The following GOLGA8B variants were observed in gnomAD, a reference collection of about 807,000 sequenced individuals.
GOLGA8B encodes the protein golgin A8 family member B.
In GOLGA8B, 1 loss-of-function variant was observed where a neutral mutation model predicts 15.6. The ratio of observed to expected loss-of-function variants is 0.06; its 90% CI spans 0.02 to 0.30. The LOEUF (loss-of-function observed/expected upper bound fraction) is 0.30. Among genes scored for constraint, GOLGA8B ranks in the 10% least tolerant of loss-of-function variants. The pLI is 1.00. For synonymous variants in GOLGA8B, 9 were observed against 80.3 expected (o/e 0.11, Z 4.75); for missense variants, 17 against 201.3 (o/e 0.08, Z 5.54).
At chr15:34,580,791 G>A (rs1418429338) in intron 1 of GOLGA8B, among the ~76,000 whole-genome samples, 1 of 152,168 alleles carries the variant, frequency 6.6e-6, no homozygotes, top group Non-Finnish European at 1.5e-5. Context: ...CCCCTGCCAG[G>A]CACACAGGCT....
chr15:34,574,837 G>T (rs1438623961), intron 1 of GOLGA8B: 1 of 152,298 alleles, frequency 6.6e-6, no homozygotes, highest in African/African-American at 2.4e-5. Context: ...ATAAAACAGG[G>T]ACCTCTGACG....
At chr15:34,574,384 G>A (rs2140353838) in intron 1 of GOLGA8B, among the ~76,000 whole-genome samples, 1 of 151,268 alleles carries the variant, frequency 6.6e-6, no homozygotes, top group East Asian at 1.9e-4. Context: ...ACTCACTGCA[G>A]CCTCAACCTC....
At chr15:34,559,316 A>G (rs1888563633) in intron 1 of GOLGA8B, among the ~76,000 whole-genome samples, 1 of 147,286 alleles carries the variant, frequency 6.8e-6, no homozygotes, top group African/African-American at 2.5e-5. Flanking sequence ...AAGATGGAAA[A>G]GTTCTGGAGA....
intron 1 of GOLGA8B, among the ~76,000 whole-genome samples, chr15:34,574,079 C>T (rs565631176): frequency 1.6e-4 from 24 of 152,218 alleles, no homozygotes; most frequent in Non-Finnish European, 3.4e-4. Flanking sequence ...GAAAAGGCCT[C>T]TCTTCCTGGA....
At chr15:34,580,482 C>G (rs202054566) in intron 1 of GOLGA8B, among the ~76,000 whole-genome samples, 1 of 43,536 alleles carries the variant, frequency 2.3e-5, no homozygotes, top group African/African-American at 6.5e-5. Flanking sequence ...CACCAGTACG[C>G]AGGGTTCCAG....
At chr15:34,577,961 G>T (rs73381960) in intron 1 of GOLGA8B, among the ~76,000 whole-genome samples, 1 of 152,086 alleles carries the variant, frequency 6.6e-6, no homozygotes, top group Admixed American at 6.5e-5. Context: ...AATGTCACTA[G>T]GCAATAGGAA....
chr15:34,579,157 T>C (rs1415299802), intron 1 of GOLGA8B, among the ~76,000 whole-genome samples: 3 of 152,072 alleles, frequency 2.0e-5, no homozygotes, highest in Admixed American at 6.6e-5. Context: ...CAGGGTTTAG[T>C]GGCAGGGCCA....
intron 1 of GOLGA8B, among the ~76,000 whole-genome samples, chr15:34,569,102 G>T (rs1325419560): frequency 6.9e-6 from 1 of 144,800 alleles, no homozygotes; most frequent in Non-Finnish European, 1.5e-5. Context: ...GGAAGAGCGG[G>T]TTCTCTTGCT....
chr15:34,567,729 A>G (rs115551918), intron 1 of GOLGA8B, among the ~76,000 whole-genome samples: 11,947 of 150,886 alleles, frequency 0.079, 1 homozygote, highest in South Asian at 0.19. Context: ...TATTAAACCC[A>G]CCCACACCAA....
intron 1 of GOLGA8B, among the ~76,000 whole-genome samples, chr15:34,567,680 T>C (rs1359402824): frequency 6.6e-6 from 1 of 151,826 alleles, no homozygotes; most frequent in Admixed American, 6.5e-5. Flanking sequence ...CAAAGAGCCA[T>C]TCCTCAGTGA....
intron 1 of GOLGA8B, among the ~76,000 whole-genome samples, chr15:34,577,549 CACACACACACAG>C (rs1889117043): frequency 7.2e-6 from 1 of 139,234 alleles, no homozygotes; most frequent in African/African-American, 2.6e-5. Flanking sequence ...CACACACACA[CACACACACACAG>C]ATGCGTCACT....
intron 7 of GOLGA8B, among the ~76,000 whole-genome samples, chr15:34,543,147 C>T (rs1888239140): frequency 1.9e-5 from 2 of 104,094 alleles, no homozygotes; most frequent in South Asian, 3.5e-4. Flanking sequence ...TCCATCCACT[C>T]GGTTTCTTAT....
At chr15:34,576,268 T>C (rs1382533193) in intron 1 of GOLGA8B, among the ~76,000 whole-genome samples, 4 of 152,128 alleles carry the variant, frequency 2.6e-5, no homozygotes, top group South Asian at 4.2e-4. Context: ...TGCCTCTAGG[T>C]GTATCAAATC....
chr15:34,563,631 A>G (rs1888681654), intron 1 of GOLGA8B, among the ~76,000 whole-genome samples: 1 of 151,948 alleles, frequency 6.6e-6, no homozygotes, highest in South Asian at 2.1e-4. Flanking sequence ...GCCTCAGGAA[A>G]AAGAGCAGAT....
At chr15:34,559,191 T>C (rs1196068516) in intron 1 of GOLGA8B, among the ~76,000 whole-genome samples, 1 of 146,784 alleles carries the variant, frequency 6.8e-6, no homozygotes, top group Non-Finnish European at 1.5e-5. Flanking sequence ...ATTCCACTTC[T>C]CTGAGGCACC....
intron 1 of GOLGA8B, among the ~76,000 whole-genome samples, chr15:34,572,407 C>G (rs550168640): frequency 1.2e-4 from 18 of 152,172 alleles, no homozygotes; most frequent in African/African-American, 4.3e-4. Flanking sequence ...AAAACGGAAC[C>G]CAAAAGTTCA....
At chr15:34,552,719 AC>A (rs1252029450) in intron 3 of GOLGA8B, among the ~76,000 whole-genome samples, 175 bp downstream of exon 3, 1 of 38,462 alleles carries the variant, frequency 2.6e-5, no homozygotes, top group African/African-American at 1.1e-4. Context: ...AGGCTGGCCA[AC>A]AGAGTAAAAC....
intron 1 of GOLGA8B, among the ~76,000 whole-genome samples, chr15:34,554,330 C>A (rs1168635483): frequency 7.9e-5 from 12 of 152,396 alleles, no homozygotes; most frequent in Non-Finnish European, 1.6e-4. Context: ...CTGTCACCTG[C>A]AGTGCACATG....
chr15:34,583,188 G>C (rs12899797), intron 1 of GOLGA8B, among the ~76,000 whole-genome samples: 2 of 151,624 alleles, frequency 1.3e-5, no homozygotes, highest in Non-Finnish European at 1.5e-5. Flanking sequence ...GGCCCCGCCA[G>C]ACAGCGCCAC....
Sources: allele counts gnomAD v4.1 joint callset (sites outside exome capture counted in the v4.1 genomes callset), GRCh38; gene constraint gnomAD v4.1.1; transcripts MANE v1.5; gene names NCBI Gene and HGNC (gene_info 2026-07-23, HGNC 2026-07-21).